The following GPHN variants were observed in gnomAD, a reference collection of about 807,000 sequenced individuals.
GPHN encodes the protein gephyrin.
A neutral mutation model predicts 95.5 loss-of-function variants in GPHN; 17 were observed. That is an observed-to-expected ratio of 0.18 (90% CI 0.12 to 0.27). The LOEUF (loss-of-function observed/expected upper bound fraction) is 0.27. Ranked by LOEUF, GPHN falls within the 10% of genes least tolerant of loss-of-function variation. The probability of loss-of-function intolerance (pLI) is 1.00; values close to 1 mark genes in which losing one functional copy is unlikely to be tolerated. For synonymous variants in GPHN, 320 were observed against 322.5 expected, an observed-to-expected ratio of 0.99 and a Z score of 0.08; for missense variants, 660 against 978.1, an observed-to-expected ratio of 0.67 and a Z score of 4.34.
At chr14:67,285,533 AT>A in the GPHN span, among the ~76,000 whole-genome samples, 1 of 151,674 alleles carries the variant, frequency 6.6e-6, no homozygotes, top group Non-Finnish European at 1.5e-5. Context: ...CCCCTGGCTA[AT>A]TTTTTTGTAT....
chr14:67,353,264 G>A, the GPHN span, among the ~76,000 whole-genome samples: 3,782 of 152,290 alleles, frequency 0.025, 72 homozygotes, highest in Non-Finnish European at 0.036. Context: ...TGGGAGGTGG[G>A]ACCATCAAGA....
At chr14:67,351,317 C>T in the GPHN span, among the ~76,000 whole-genome samples, 2 of 152,080 alleles carry the variant, frequency 1.3e-5, no homozygotes, top group African/African-American at 4.8e-5. Context: ...TACCTCACAT[C>T]ATACTGCCCC....
chr14:66,878,104 G>C (rs1012579051), intron 4 of GPHN, among the ~76,000 whole-genome samples: 1 of 152,088 alleles, frequency 6.6e-6, no homozygotes, highest in Admixed American at 6.5e-5. Flanking sequence ...TGATAAACCT[G>C]ATAAAAACAA....
At chr14:67,091,459 A>G (rs916352921) in intron 12 of GPHN, among the ~76,000 whole-genome samples, 1 of 151,688 alleles carries the variant, frequency 6.6e-6, no homozygotes, top group Admixed American at 6.6e-5. Context: ...TTCTGTGTTG[A>G]TCTTACAATT....
At chr14:67,642,970 T>C in the GPHN span, among the ~76,000 whole-genome samples, 1 of 152,032 alleles carries the variant, frequency 6.6e-6, no homozygotes, top group Non-Finnish European at 1.5e-5. Flanking sequence ...GCCTGGCTCA[T>C]TTTTGTATTT....
At chr14:67,427,528 G>A in the GPHN span, among the ~76,000 whole-genome samples, 1 of 152,144 alleles carries the variant, frequency 6.6e-6, no homozygotes, top group Non-Finnish European at 1.5e-5. Context: ...AACACACTCA[G>A]GTGGAACCCC....
chr14:66,645,624 G>A (rs1448370267), intron 1 of GPHN, among the ~76,000 whole-genome samples: 2 of 150,854 alleles, frequency 1.3e-5, no homozygotes, highest in African/African-American at 2.4e-5. Flanking sequence ...TCTGGGAGGC[G>A]GAGGTTGCAG....
the GPHN span, among the ~76,000 whole-genome samples, chr14:67,532,636 T>G: frequency 1.3e-5 from 2 of 152,162 alleles, no homozygotes; most frequent in African/African-American, 2.4e-5. Context: ...GAAGATCACT[T>G]GAGCTCCGGA....
chr14:66,746,648 C>A (rs1018445632), intron 2 of GPHN, among the ~76,000 whole-genome samples: 2 of 151,380 alleles, frequency 1.3e-5, no homozygotes, highest in Non-Finnish European at 2.9e-5. Flanking sequence ...TAAGTACTTT[C>A]TACTTCCCTT....
chr14:66,685,564 T>C (rs1566816375), intron 2 of GPHN, among the ~76,000 whole-genome samples: 1 of 152,246 alleles, frequency 6.6e-6, no homozygotes, highest in Non-Finnish European at 1.5e-5. Context: ...GAGAAGTGTC[T>C]GTTCATATCC....
chr14:66,533,502 G>A (rs1167448144), intron 1 of GPHN, among the ~76,000 whole-genome samples: 4 of 152,192 alleles, frequency 2.6e-5, no homozygotes, highest in African/African-American at 4.8e-5. Flanking sequence ...GCAACATGCC[G>A]TGGGTGCACA....
intron 5 of GPHN, among the ~76,000 whole-genome samples, chr14:66,884,136 A>G (rs550422557): frequency 4.6e-5 from 7 of 152,220 alleles, no homozygotes; most frequent in African/African-American, 1.7e-4. Context: ...TCTTTAGACA[A>G]TATCGGCTCC....
rs1386505537 is a variant in GPHN at position 67,110,247 on chromosome 14, G to A, written c.1401G>A (p.Arg467=). 1 of 1,613,660 alleles carries A rather than the reference G, an allele frequency of 6.2e-7. No homozygotes were observed. The highest frequency in any genetic ancestry group is 1.7e-5 in the Admixed American group (1 of 60,018). Residue 467 remains arginine (R), a synonymous_variant, in exon 14 of 23, where the codon AGG becomes AGA. Coordinates refer to ENST00000478722, the MANE Select transcript of GPHN (RefSeq NM_020806.5). ...AAGTGGAAGATACCGAACTTATCAG[G>A]GAATCAGATGATGTACGTCATCACC... The part of the protein sequence containing the change: ...VVQVEDTELI[R]ESDDGTEELE...
In GPHN at chr14:67,133,581, A is replaced by G. The variant is rs575409868; in HGVS notation, c.1749-9781A>G. On this transcript the variant is annotated intron_variant, in intron 17 of 22. Transcript: ENST00000478722. ...ATTTTAAAAAGCAAAAAAAGTCTTAACTTTTTTAAGTTGCTTTGGAATTGA... is the reference window on the plus strand; with the variant it reads ...ATTTTAAAAAGCAAAAAAAGTCTTAGCTTTTTTAAGTTGCTTTGGAATTGA... 7.2e-5 allele frequency among the ~76,000 whole-genome samples: 11 copies of G among 152,266 alleles called. No homozygotes were observed. In the East Asian group the frequency reaches 2.1e-3, roughly 29 times the overall value.
At chr14:66,911,174 C>T (rs1361504420) in intron 5 of GPHN, among the ~76,000 whole-genome samples, 1 of 151,826 alleles carries the variant, frequency 6.6e-6, no homozygotes, top group African/African-American at 2.4e-5. Flanking sequence ...CAAAAGGTGA[C>T]ATATTATATG....
At chr14:67,268,307 A>G in the GPHN span, among the ~76,000 whole-genome samples, 1 of 152,220 alleles carries the variant, frequency 6.6e-6, no homozygotes, top group Non-Finnish European at 1.5e-5. Flanking sequence ...GTTGAGATAG[A>G]ACTCTCATAC....
At chr14:67,001,239 A>G (rs1409810767) in intron 9 of GPHN, among the ~76,000 whole-genome samples, 1 of 151,654 alleles carries the variant, frequency 6.6e-6, no homozygotes, top group Non-Finnish European at 1.5e-5. Context: ...TTGTATATAC[A>G]CAGATTAGCT....
chr14:66,553,681 A>G (rs2059904741), intron 1 of GPHN, among the ~76,000 whole-genome samples: 1 of 152,048 alleles, frequency 6.6e-6, no homozygotes, highest in Non-Finnish European at 1.5e-5. Flanking sequence ...GGTTCAAGCA[A>G]TTCTCCTGCG....
At chr14:67,087,786 A>G (rs544336264) in intron 11 of GPHN, among the ~76,000 whole-genome samples, 1 of 152,320 alleles carries the variant, frequency 6.6e-6, no homozygotes, top group Non-Finnish European at 1.5e-5. Flanking sequence ...CTCCGGAAAC[A>G]ATGAAATTTT....
Sources: allele counts gnomAD v4.1 joint callset (sites outside exome capture counted in the v4.1 genomes callset), GRCh38; gene constraint gnomAD v4.1.1; transcripts MANE v1.5; gene names NCBI Gene and HGNC (gene_info 2026-07-23, HGNC 2026-07-21).